Variants in GRM7 observed in about 807,000 individuals in gnomAD.
The protein encoded by GRM7 is metabotropic glutamate receptor 7.
In GRM7, 35 loss-of-function variants were observed where a neutral mutation model predicts 84.5. The ratio of observed to expected loss-of-function variants is 0.41; its 90% CI spans 0.32 to 0.55. The LOEUF is 0.55. Ranked by LOEUF, GRM7 falls within the 20% of genes least tolerant of loss-of-function variation. The pLI, the probability that GRM7 is intolerant of heterozygous loss-of-function variation, is 0.19. For synonymous variants in GRM7, 487 were observed against 455.1 expected (o/e 1.07, Z -0.89); for missense variants, 1,003 against 1,194.6 (o/e 0.84, Z 2.36).
intron 7 of GRM7, among the ~76,000 whole-genome samples, chr3:7,519,430 C>T (rs905051692): frequency 6.6e-6 from 1 of 151,298 alleles, no homozygotes; most frequent in Non-Finnish European, 1.5e-5. Flanking sequence ...GTCTGTTGAT[C>T]TGGGACATAG....
At chr3:7,034,289 G>T (rs1696296546) in intron 1 of GRM7, among the ~76,000 whole-genome samples, 3 of 151,160 alleles carry the variant, frequency 2.0e-5, no homozygotes, top group Admixed American at 2.0e-4. Context: ...TCTGGTGGGG[G>T]TTAAAAAAAA....
At chr3:7,706,370 T>C (rs1158573350) in intron 9 of GRM7, among the ~76,000 whole-genome samples, 2 of 152,200 alleles carry the variant, frequency 1.3e-5, no homozygotes, top group Non-Finnish European at 2.9e-5. Context: ...GTAGTTTGTA[T>C]GTGTGTGAAG....
At chr3:6,871,386 A>G (rs1270488460) in intron 1 of GRM7, among the ~76,000 whole-genome samples, 3 of 152,154 alleles carry the variant, frequency 2.0e-5, no homozygotes, top group Admixed American at 6.5e-5. Context: ...AAAATTTGTC[A>G]TCACTGATAC....
intron 7 of GRM7, among the ~76,000 whole-genome samples, chr3:7,521,728 G>A (rs1446704305): frequency 6.6e-6 from 1 of 152,094 alleles, no homozygotes; most frequent in African/African-American, 2.4e-5. Context: ...ACCTCACCAA[G>A]GGATATTCTC....
chr3:7,076,653 G>A (rs1363931555), intron 1 of GRM7, among the ~76,000 whole-genome samples: 2 of 152,008 alleles, frequency 1.3e-5, no homozygotes, highest in Non-Finnish European at 1.5e-5. Flanking sequence ...CCAATGGAGC[G>A]CTGTAAACAC....
intron 7 of GRM7, among the ~76,000 whole-genome samples, chr3:7,473,530 G>GAGAA (rs1395000102): frequency 7.1e-6 from 1 of 141,332 alleles, no homozygotes; most frequent in South Asian, 2.3e-4. Flanking sequence ...GAGAGAGAGA[G>GAGAA]AAACACCTTG....
intron 8 of GRM7, among the ~76,000 whole-genome samples, chr3:7,653,709 T>G (rs976459287): frequency 2.0e-5 from 3 of 152,200 alleles, no homozygotes; most frequent in African/African-American, 7.2e-5. Flanking sequence ...GGATGGTGCA[T>G]GTTCCAAAGA....
chr3:7,131,738 A>G (rs1256906239), intron 1 of GRM7, among the ~76,000 whole-genome samples: 2 of 152,086 alleles, frequency 1.3e-5, no homozygotes, highest in Non-Finnish European at 2.9e-5. Context: ...CGGCCTCCCA[A>G]CATGCTGGGA....
intron 8 of GRM7, among the ~76,000 whole-genome samples, chr3:7,653,878 A>G (rs549540498): frequency 6.6e-6 from 1 of 152,336 alleles, no homozygotes; most frequent in African/African-American, 2.4e-5. Context: ...AGAAAGAAAC[A>G]GGACAAATAA....
intron 2 of GRM7, among the ~76,000 whole-genome samples, chr3:7,198,002 G>A (rs1695935967): frequency 6.6e-6 from 1 of 152,120 alleles, no homozygotes; most frequent in Non-Finnish European, 1.5e-5. Flanking sequence ...AGATAGATTG[G>A]TATCAGATTG....
At chr3:7,524,012 G>C (rs1700698218) in intron 7 of GRM7, among the ~76,000 whole-genome samples, 1 of 152,096 alleles carries the variant, frequency 6.6e-6, no homozygotes, top group Non-Finnish European at 1.5e-5. Context: ...CTCCTAGAGA[G>C]ATCACGGAGG....
intron 7 of GRM7, among the ~76,000 whole-genome samples, chr3:7,521,747 C>T (rs1007269060): frequency 1.3e-5 from 2 of 152,234 alleles, no homozygotes; most frequent in African/African-American, 4.8e-5. Flanking sequence ...TCAGGTCTGC[C>T]TCTCAGATAC....
chr3:7,248,952 A>G (rs74461631), intron 2 of GRM7, among the ~76,000 whole-genome samples: 243 of 152,260 alleles, frequency 1.6e-3, no homozygotes, highest in Non-Finnish European at 2.7e-3. Context: ...TTAAAGAGTA[A>G]AGATATTTAA....
chr3:7,413,563 G>T (rs1017990309), intron 4 of GRM7, among the ~76,000 whole-genome samples: 2 of 152,136 alleles, frequency 1.3e-5, no homozygotes, highest in Non-Finnish European at 2.9e-5. Flanking sequence ...CTCCATTTTT[G>T]AAACTGGCTT....
intron 8 of GRM7, among the ~76,000 whole-genome samples, chr3:7,595,092 A>G (rs1270718964): frequency 1.3e-5 from 2 of 152,220 alleles, no homozygotes; most frequent in Non-Finnish European, 2.9e-5. Context: ...TGTATTTACA[A>G]ATATCGACTT....
chr3:6,983,146 G>T lies in GRM7; in HGVS notation c.519+121239G>T, dbSNP rs941669966. Among the ~76,000 whole-genome samples, 8 of 152,294 alleles carry T rather than the reference G, an allele frequency of 5.3e-5. 1 individual carries two copies. In the South Asian group the frequency reaches 1.7e-3, roughly 32 times the overall value. ...TTATTTTGTATTCAATAAGCAAAGT[G>T]AAGGATTGTAAAAGCAACATAGGCT... On this transcript the variant is annotated intron_variant, in intron 1 of 9. Transcript: ENST00000357716.
chr3:7,667,407 A>G (rs1463794105), intron 8 of GRM7, among the ~76,000 whole-genome samples: 1 of 152,122 alleles, frequency 6.6e-6, no homozygotes, highest in Non-Finnish European at 1.5e-5. Context: ...TGAGTACACT[A>G]TGTAGGAGAC....
In GRM7 at chr3:7,103,854, C is replaced by CTCTT. The variant is rs140927280; in HGVS notation, c.520-42583_520-42580dup. ...TGTCTCTCTCTCCCTCTCTCTCTCT[C>CTCTT]TCTTTCTTTCTTTCTTTCCCATTTC... On this transcript the variant is annotated intron_variant, in intron 1 of 9. Transcript: ENST00000357716. Among the ~76,000 whole-genome samples the CTCTT allele has an allele frequency of 1.1e-3, 134 of 123,670 alleles. 15 individuals carry two copies. The highest frequency in any genetic ancestry group is 4.3e-3 in the African/African-American group (119 of 27,498). The allele number at this position is 123,670 out of a possible 152,430, so 81.1% of individuals were successfully genotyped here.
At chr3:7,213,239 C>T (rs1479296331) in intron 2 of GRM7, among the ~76,000 whole-genome samples, 2 of 152,134 alleles carry the variant, frequency 1.3e-5, no homozygotes, top group African/African-American at 4.8e-5. Flanking sequence ...GTTTTATCAT[C>T]TTGATATGAA....
Sources: gnomAD v4.1 joint callset for allele counts (sites outside exome capture counted in the v4.1 genomes callset) on GRCh38, gnomAD v4.1.1 for gene constraint, MANE v1.5 for transcripts, NCBI Gene and HGNC (gene_info 2026-07-23, HGNC 2026-07-21) for gene names.